Variants in RAB37 observed in about 807,000 individuals in gnomAD.
The protein encoded by RAB37 is ras-related protein Rab-37.
Under a neutral mutation model 33.1 loss-of-function variants are expected in RAB37, and 29 were observed. The ratio of observed to expected loss-of-function variants is 0.88; its 90% CI spans 0.65 to 1.20. The LOEUF (loss-of-function observed/expected upper bound fraction) is 1.20. RAB37 is among the 50% of genes most tolerant of loss of function. RAB37 has a pLI of 0.00. For missense variants in RAB37, 299 were observed against 301.1 expected, an observed-to-expected ratio of 0.99 and a Z score of 0.05; for synonymous variants, 128 against 119.5, an observed-to-expected ratio of 1.07 and a Z score of -0.47.
intron 1 of RAB37, among the ~76,000 whole-genome samples, chr17:74,693,818 A>G (rs2032215498): frequency 1.3e-5 from 2 of 152,034 alleles, no homozygotes; most frequent in African/African-American, 2.4e-5. Flanking sequence ...AGTTTCAGCT[A>G]CTTGGGAGAC....
intron 1 of RAB37, among the ~76,000 whole-genome samples, chr17:74,710,402 T>C (rs1382436037): frequency 2.0e-5 from 3 of 152,242 alleles, no homozygotes; most frequent in Non-Finnish European, 2.9e-5. Flanking sequence ...TTGAATTTAA[T>C]AGAGTGGCTA....
chr17:74,712,516 C>G (rs1021737196), intron 1 of RAB37, among the ~76,000 whole-genome samples: 1 of 152,244 alleles, frequency 6.6e-6, no homozygotes, highest in African/African-American at 2.4e-5. Context: ...AGGCAGTCGC[C>G]TGCTCTCCTG....
At chr17:74,736,051 C>T (rs1259995451), upstream of RAB37, among the ~76,000 whole-genome samples, 1 of 152,038 alleles carries the variant, frequency 6.6e-6, no homozygotes, top group Non-Finnish European at 1.5e-5. Context: ...ACTAAAAATA[C>T]AAAAAGAAAA....
At chr17:74,705,608 G>C (rs1328210008) in intron 1 of RAB37, among the ~76,000 whole-genome samples, 10 of 151,352 alleles carry the variant, frequency 6.6e-5, no homozygotes. Flanking sequence ...TTTTGAAACA[G>C]GCTCTCACTC....
upstream of RAB37, among the ~76,000 whole-genome samples, chr17:74,735,047 AAGAAAGAAAG>A (rs1486188182): frequency 6.8e-6 from 1 of 147,314 alleles, no homozygotes; most frequent in Non-Finnish European, 1.5e-5. Context: ...GAAAGAAAGA[AAGAAAGAAAG>A]AAAGAGAAAG....
chr17:74,704,940 A>C (rs1598258288), intron 1 of RAB37: 1 of 767,742 alleles, frequency 1.3e-6, no homozygotes. Context: ...GAAGAAATAC[A>C]CCTTCCGCAG....
intron 1 of RAB37, chr17:74,695,091 G>C (rs1567780400): frequency 1.2e-6 from 2 of 1,611,070 alleles, no homozygotes; most frequent in Non-Finnish European, 8.5e-7. Context: ...AGCCTGGAGT[G>C]CAGGCTAAGG....
chr17:74,681,826 G>A (rs2031961332), intron 1 of RAB37, among the ~76,000 whole-genome samples: 1 of 152,018 alleles, frequency 6.6e-6, no homozygotes, highest in Non-Finnish European at 1.5e-5. Context: ...CACTTGTTCT[G>A]TCCACCACCT....
chr17:74,692,154 C>T (rs1270873895), intron 1 of RAB37, among the ~76,000 whole-genome samples: 1 of 152,198 alleles, frequency 6.6e-6, no homozygotes, highest in African/African-American at 2.4e-5. Flanking sequence ...GCATGAGCCA[C>T]CGCACCCGGC....
At chr17:74,708,248 T>C (rs1049200510) in intron 1 of RAB37, among the ~76,000 whole-genome samples, 1 of 152,092 alleles carries the variant, frequency 6.6e-6, no homozygotes, top group Non-Finnish European at 1.5e-5. Flanking sequence ...ATTCCACAGC[T>C]ATTATATTTA....
rs775344290 is a variant in RAB37 at position 74,738,115 on chromosome 17, G to T, written c.93+750G>T. Among the ~76,000 whole-genome samples the T allele has an allele frequency of 4.6e-5, 7 of 152,148 alleles. No individual in the cohort carries two copies. The highest frequency in any genetic ancestry group is 7.4e-5 in the Non-Finnish European group (5 of 68,022). ...CTGTCGCCTTCCATCTGTGTCCTTG[G>T]AGTGAGCGGGTACCAGAAACTGAAA... On this transcript the variant is annotated intron_variant, in intron 1 of 8. Coordinates refer to ENST00000392613, the MANE Select transcript of RAB37 (RefSeq NM_001006638.3). This position sits in a 1 kb window ranked among gnomAD's most constrained non-coding sequence, Gnocchi z 5.0.
chr17:74,675,393 C>T (rs1168883880), intron 1 of RAB37, among the ~76,000 whole-genome samples: 1 of 151,778 alleles, frequency 6.6e-6, no homozygotes, highest in Non-Finnish European at 1.5e-5. Flanking sequence ...CAAGATCACA[C>T]CACTGCACTT....
At chr17:74,684,422 T>C (rs1275004250) in intron 1 of RAB37, among the ~76,000 whole-genome samples, 1 of 152,102 alleles carries the variant, frequency 6.6e-6, no homozygotes, top group Non-Finnish European at 1.5e-5. Context: ...ATATATTTAA[T>C]TGCAAAATTT....
rs2034361978 is a variant in RAB37 at position 74,729,754 on chromosome 17, T to C, written c.183+388T>C. The stretch of plus-strand genomic sequence containing the variant: ...CCCCTGTCCCACCTTGCTCTCCTCC[T>C]GCTCCCCATCTCCTTCTGGGGCTCC... On this transcript the variant is annotated intron_variant, in intron 2 of 7. Coordinates refer to the RAB37 transcript ENST00000340415. The surrounding 1 kb of genome is among the most constrained non-coding windows in gnomAD (Gnocchi z 4.2). Among the ~76,000 whole-genome samples the C allele has an allele frequency of 6.6e-6, 1 of 152,192 alleles. No homozygotes were observed. Among genetic ancestry groups the C allele is most frequent in the Non-Finnish European group, 1.5e-5 (1 of 68,030 alleles).
upstream of RAB37, chr17:74,737,088 C>T: frequency 6.2e-7 from 1 of 1,605,060 alleles, no homozygotes. Flanking sequence ...GCAGACCCTG[C>T]GGCTCTGCGT....
intron 1 of RAB37, among the ~76,000 whole-genome samples, chr17:74,674,646 C>A (rs1207645445): frequency 6.6e-6 from 1 of 152,054 alleles, no homozygotes; most frequent in Non-Finnish European, 1.5e-5. Context: ...CCACTGCACT[C>A]CAGCTTCAGC....
rs2034359280 is a variant in RAB37, at chr17:74,729,561, G to A, written c.183+195G>A. ...GGTATACTGCCCCTGGGTAGTCCAG[G>A]AACTCCGCCCACCTCTAGCCTCAAG... On this transcript the variant is annotated intron_variant, in intron 2 of 7. Transcript: ENST00000340415. The surrounding 1 kb of genome is among the most constrained non-coding windows in gnomAD (Gnocchi z 4.2). Among the ~76,000 whole-genome samples the A allele has an allele frequency of 6.6e-6, 1 of 151,996 alleles. No individual in the cohort carries two copies. Among genetic ancestry groups the A allele is most frequent in the South Asian group, 2.1e-4 (1 of 4,812 alleles).
chr17:74,721,869 C>A (rs1393988188), intron 1 of RAB37, among the ~76,000 whole-genome samples: 2 of 152,320 alleles, frequency 1.3e-5, no homozygotes, highest in African/African-American at 2.4e-5. Flanking sequence ...TGTATGAGTG[C>A]CTGTTTCCCC....
Position 74,737,377 on chromosome 17 carries a change from T to C in RAB37, c.93+12T>C. 6.4e-7 allele frequency: 1 copy of C among 1,552,836 alleles called. No individual in the cohort carries two copies. The highest frequency in any genetic ancestry group is 8.7e-7 in the Non-Finnish European group (1 of 1,154,928). ...ACCTCACGGGCAAGGTGGGTGGGCC[T>C]CTTCCGTGAGACCCCCGCCCTCCTC... On this transcript the variant is annotated intron_variant, in intron 1 of 8. Transcript: ENST00000392613.
Sources: gnomAD v4.1 joint callset for allele counts (sites outside exome capture counted in the v4.1 genomes callset) on GRCh38, gnomAD v4.1.1 for gene constraint, Gnocchi (gnomAD v3.1) non-coding constraint, MANE v1.5 for transcripts, NCBI Gene and HGNC (gene_info 2026-07-23, HGNC 2026-07-21) for gene names.